Variants in THSD7A observed in about 807,000 individuals in gnomAD.
THSD7A encodes thrombospondin type-1 domain-containing protein 7A.
THSD7A carries 96 observed loss-of-function variants against 231.3 expected under a neutral mutation model. The observed-to-expected ratio is 0.41, with a 90% CI of 0.35 to 0.49. The LOEUF is 0.49. THSD7A is among the 20% of genes least tolerant of loss of function. The pLI is 0.05. For missense variants in THSD7A, 2,290 were observed against 2,070.2 expected (o/e 1.11, Z -2.06); for synonymous variants, 940 against 743.3 (o/e 1.26, Z -4.30).
At chr7:11,501,013 A>G (rs1214861040) in intron 6 of THSD7A, among the ~76,000 whole-genome samples, 1 of 144,858 alleles carries the variant, frequency 6.9e-6, no homozygotes, top group African/African-American at 2.6e-5. Flanking sequence ...ACCAACAAAG[A>G]TAAAAAAAAA....
At chr7:11,789,720 A>G (rs1023023125) in intron 1 of THSD7A, among the ~76,000 whole-genome samples, 4 of 152,154 alleles carry the variant, frequency 2.6e-5, no homozygotes, top group African/African-American at 9.6e-5. Context: ...TCCATTGGAC[A>G]ACTTCATTGC....
At chr7:11,747,162 A>G (rs1205724978) in intron 1 of THSD7A, among the ~76,000 whole-genome samples, 1 of 151,958 alleles carries the variant, frequency 6.6e-6, no homozygotes, top group African/African-American at 2.4e-5. Flanking sequence ...TACTATTAGG[A>G]GACATGATTA....
chr7:11,487,372 T>G (rs1403145179), intron 6 of THSD7A, among the ~76,000 whole-genome samples: 1 of 152,178 alleles, frequency 6.6e-6, no homozygotes, highest in Non-Finnish European at 1.5e-5. Flanking sequence ...TTTATTGCAT[T>G]TATCGTGTTA....
chr7:11,458,884 A>T, intron 11 of THSD7A, among the ~76,000 whole-genome samples: 1 of 152,212 alleles, frequency 6.6e-6, no homozygotes, highest in East Asian at 1.9e-4. Flanking sequence ...ATGAACAAAC[A>T]GGAAGAGGGA....
chr7:11,820,854 G>A, intron 1 of THSD7A: 1 of 946,046 alleles, frequency 1.1e-6, no homozygotes, highest in Non-Finnish European at 1.7e-6. Context: ...TAAGTTTTCT[G>A]TTTTCTCAGC....
chr7:11,597,423 G>A (rs1021384179), intron 2 of THSD7A, among the ~76,000 whole-genome samples: 4 of 152,168 alleles, frequency 2.6e-5, no homozygotes, highest in African/African-American at 9.7e-5. Context: ...AACAGGAGAA[G>A]GCTCTGCAAT....
intron 26 of THSD7A, 142 bp from the exon 27 acceptor site, chr7:11,376,799 T>C: frequency 2.1e-6 from 1 of 470,964 alleles, no homozygotes; most frequent in Admixed American, 3.7e-5. Context: ...CAGTTAATGA[T>C]TAATGCAAAG....
intron 1 of THSD7A, among the ~76,000 whole-genome samples, chr7:11,698,139 T>C (rs1038901291): frequency 6.6e-6 from 1 of 151,424 alleles, no homozygotes; most frequent in African/African-American, 2.4e-5. Context: ...TTGTTGAATG[T>C]ATGTATGTAT....
intron 1 of THSD7A, among the ~76,000 whole-genome samples, chr7:11,798,241 G>T (rs1455477041): frequency 1.3e-5 from 2 of 152,176 alleles, no homozygotes; most frequent in South Asian, 4.2e-4. Context: ...AGGCCGAGGT[G>T]GGAGGATCAC....
Position 11,502,268 on chromosome 7 carries a change from T to C in THSD7A, c.1823-20286A>G, listed in dbSNP as rs79625820. Among the ~76,000 whole-genome samples, 759 of 152,294 alleles carry C rather than the reference T, an allele frequency of 5.0e-3. 6 individuals carry two copies. The highest frequency in any genetic ancestry group is 0.017 in the African/African-American group (717 of 41,574). On this transcript the variant is annotated intron_variant, in intron 6 of 27. Transcript: ENST00000423059. The stretch of plus-strand genomic sequence containing the variant: ...TTCCAAAAGGATTAGGAGGAGGGAC[T>C]TCTCCCTAACTCATTCTATGAGGCC...
chr7:11,420,233 C>T (rs1317199403), intron 16 of THSD7A, among the ~76,000 whole-genome samples: 1 of 152,204 alleles, frequency 6.6e-6, no homozygotes, highest in African/African-American at 2.4e-5. Context: ...TTTCAGACAA[C>T]TTCATGACAG....
chr7:11,694,023 G>A (rs1400154743), intron 1 of THSD7A, among the ~76,000 whole-genome samples: 1 of 151,452 alleles, frequency 6.6e-6, no homozygotes, highest in Admixed American at 6.6e-5. Flanking sequence ...ACGGTAGTCA[G>A]AAAAGTTTTC....
chr7:11,725,006 A>T (rs1781499878), intron 1 of THSD7A, among the ~76,000 whole-genome samples: 1 of 151,840 alleles, frequency 6.6e-6, no homozygotes, highest in Non-Finnish European at 1.5e-5. Flanking sequence ...GTGCCTCAAA[A>T]TTAAGAGCAA....
chr7:11,472,085 A>G (rs1442603995), intron 8 of THSD7A, among the ~76,000 whole-genome samples: 1 of 152,166 alleles, frequency 6.6e-6, no homozygotes, highest in Non-Finnish European at 1.5e-5. Flanking sequence ...TACAAACAAC[A>G]AAGTTGTTAA....
At chr7:11,378,353 G>A (rs1412496643) in intron 26 of THSD7A, among the ~76,000 whole-genome samples, 1 of 152,208 alleles carries the variant, frequency 6.6e-6, no homozygotes, top group Non-Finnish European at 1.5e-5. Context: ...TTCTAGGGAT[G>A]AGCATATGAT....
At chr7:11,720,484 C>G (rs745844467) in intron 1 of THSD7A, among the ~76,000 whole-genome samples, 1 of 151,716 alleles carries the variant, frequency 6.6e-6, no homozygotes, top group African/African-American at 2.4e-5. Flanking sequence ...TTTCCATCAG[C>G]CTTTAAATAT....
chr7:11,479,156 A>T (rs1241763032), intron 7 of THSD7A, among the ~76,000 whole-genome samples: 1 of 152,190 alleles, frequency 6.6e-6, no homozygotes, highest in Non-Finnish European at 1.5e-5. Context: ...ATGAGGAAGA[A>T]GTAAATAAAG....
At chr7:11,753,984 T>A (rs1429849802) in intron 1 of THSD7A, among the ~76,000 whole-genome samples, 1 of 151,908 alleles carries the variant, frequency 6.6e-6, no homozygotes, top group Non-Finnish European at 1.5e-5. Flanking sequence ...GGACAAAATC[T>A]AATTTCCAGA....
At chr7:11,803,513 G>A (rs1275968586) in intron 1 of THSD7A, among the ~76,000 whole-genome samples, 1 of 152,080 alleles carries the variant, frequency 6.6e-6, no homozygotes, top group Admixed American at 6.6e-5. Flanking sequence ...CTATGAGATT[G>A]AGAGAGAGGA....
Sources: gnomAD v4.1 joint callset for allele counts (sites outside exome capture counted in the v4.1 genomes callset) on GRCh38, gnomAD v4.1.1 for gene constraint, MANE v1.5 for transcripts, NCBI Gene and HGNC (gene_info 2026-07-23, HGNC 2026-07-21) for gene names.